SUPT3H: variants seen among roughly 807,000 people sequenced by gnomAD.
SUPT3H encodes transcription initiation protein SPT3 homolog.
SUPT3H carries 44 observed loss-of-function variants against 44.3 expected under a neutral mutation model. The ratio of observed to expected loss-of-function variants is 0.99; its 90% CI spans 0.78 to 1.28. The LOEUF (loss-of-function observed/expected upper bound fraction) is 1.28. SUPT3H is among the 50% of genes most tolerant of loss of function. The probability of loss-of-function intolerance (pLI) is 0.00; values close to 1 mark genes in which losing one functional copy is unlikely to be tolerated. For missense variants in SUPT3H, 380 were observed against 387.1 expected, an observed-to-expected ratio of 0.98 and a Z score of 0.15; for synonymous variants, 124 against 125.6, an observed-to-expected ratio of 0.99 and a Z score of 0.09.
At chr6:44,953,270 A>C in intron 9 of SUPT3H, 40 bp downstream of exon 9, 1 of 1,520,140 alleles carries the variant, frequency 6.6e-7, no homozygotes, top group South Asian at 1.1e-5. Context: ...TATGTGTCAA[A>C]ATTCACAAAT....
chr6:45,168,618 C>T, intron 2 of SUPT3H, among the ~76,000 whole-genome samples: 1 of 152,132 alleles, frequency 6.6e-6, no homozygotes, highest in East Asian at 1.9e-4. Context: ...AAGGTAAAAT[C>T]CTGGCTGCAT....
intron 6 of SUPT3H, among the ~76,000 whole-genome samples, chr6:44,987,210 C>T (rs1779934604): frequency 6.7e-6 from 1 of 148,912 alleles, no homozygotes; most frequent in South Asian, 2.1e-4. Flanking sequence ...TTAGTCTAAA[C>T]CTAATTAACT....
At chr6:45,296,185 T>TACCCACACACACACACAC (rs1781186154) in intron 2 of SUPT3H, among the ~76,000 whole-genome samples, 1 of 140,454 alleles carries the variant, frequency 7.1e-6, no homozygotes, top group South Asian at 2.5e-4. Context: ...ATACACATAC[T>TACCCACACACACACACAC]ACACACACAC....
intron 2 of SUPT3H, among the ~76,000 whole-genome samples, chr6:45,284,579 C>A (rs535858617): frequency 1.4e-4 from 21 of 152,196 alleles, no homozygotes; most frequent in Non-Finnish European, 2.6e-4. Context: ...CAATAACAGG[C>A]TCTGAAATAG....
At chr6:44,857,795 C>T (rs954716321) in intron 10 of SUPT3H, among the ~76,000 whole-genome samples, 2 of 152,138 alleles carry the variant, frequency 1.3e-5, no homozygotes, top group Non-Finnish European at 1.5e-5. Flanking sequence ...TAGCAATAAG[C>T]TCTTGATCAC....
chr6:44,886,760 C>T (rs1029191742), intron 10 of SUPT3H, among the ~76,000 whole-genome samples: 9 of 152,064 alleles, frequency 5.9e-5, no homozygotes, highest in African/African-American at 2.2e-4. Flanking sequence ...CAAATTCACA[C>T]ATAACAATAT....
intron 7 of SUPT3H, among the ~76,000 whole-genome samples, chr6:44,956,924 T>G (rs1012112900): frequency 3.3e-5 from 5 of 152,218 alleles, no homozygotes; most frequent in African/African-American, 1.2e-4. Flanking sequence ...AGACCATGCC[T>G]TATGTCTCTG....
At chr6:45,049,265 G>A (rs985716847) in intron 3 of SUPT3H, among the ~76,000 whole-genome samples, 17 of 152,218 alleles carry the variant, frequency 1.1e-4, no homozygotes, top group Middle Eastern at 6.8e-3. Flanking sequence ...GAGACTTCTG[G>A]TGCTGGATCT....
At chr6:45,033,941 ATGTG>A (rs1268171616) in intron 3 of SUPT3H, among the ~76,000 whole-genome samples, 2 of 152,140 alleles carry the variant, frequency 1.3e-5, no homozygotes, top group African/African-American at 4.8e-5. Flanking sequence ...CAGCTAATAT[ATGTG>A]TGTCTGAGGC....
chr6:45,176,434 A>T (rs2153610074), intron 2 of SUPT3H, among the ~76,000 whole-genome samples: 1 of 152,238 alleles, frequency 6.6e-6, no homozygotes, highest in Non-Finnish European at 1.5e-5. Context: ...ACGCCCACGG[A>T]GTCTCCCTGA....
chr6:44,904,235 G>A (rs1765605323), intron 10 of SUPT3H, among the ~76,000 whole-genome samples: 1 of 152,196 alleles, frequency 6.6e-6, no homozygotes, highest in South Asian at 2.1e-4. Flanking sequence ...AATTGTCCCT[G>A]TCTGCAGATG....
At chr6:45,335,539 T>A (rs1342078467) in intron 2 of SUPT3H, among the ~76,000 whole-genome samples, 1 of 151,220 alleles carries the variant, frequency 6.6e-6, no homozygotes, top group East Asian at 1.9e-4. Flanking sequence ...TAAAAGTAAA[T>A]TCTCATTTTA....
chr6:44,998,121 C>T (rs1367069906), intron 6 of SUPT3H, among the ~76,000 whole-genome samples: 1 of 151,682 alleles, frequency 6.6e-6, no homozygotes, highest in Admixed American at 6.6e-5. Flanking sequence ...TGAAGTTATG[C>T]TTGCTTTTTA....
chr6:44,857,620 A>G (rs1219439854), intron 10 of SUPT3H, among the ~76,000 whole-genome samples: 2 of 152,176 alleles, frequency 1.3e-5, no homozygotes, highest in African/African-American at 2.4e-5. Flanking sequence ...ATTTTCTTTA[A>G]AAGTTCTTTT....
chr6:45,095,793 A>G lies in SUPT3H; in HGVS notation c.186+10129T>C, dbSNP rs1228966378. 1.3e-5 allele frequency among the ~76,000 whole-genome samples: 2 copies of G among 152,128 alleles called. No individual in the cohort carries two copies. Among genetic ancestry groups the G allele is most frequent in the Non-Finnish European group, 2.9e-5 (2 of 67,986 alleles). On this transcript the variant is annotated intron_variant, in intron 3 of 10. Coordinates refer to ENST00000371459, the MANE Select transcript of SUPT3H (RefSeq NM_003599.4). This position sits in a 1 kb window ranked among gnomAD's most constrained non-coding sequence, Gnocchi z 4.1. ...AGATATTGACAACATCATAACAACA[A>G]CTCAAACATAATTTGCAGTTGGCAC...
At chr6:45,270,617 CT>C (rs1775963823) in intron 2 of SUPT3H, among the ~76,000 whole-genome samples, 1 of 152,166 alleles carries the variant, frequency 6.6e-6, no homozygotes, top group Non-Finnish European at 1.5e-5. Context: ...AAACCTCTTT[CT>C]TTTGTAAATT....
intron 6 of SUPT3H, among the ~76,000 whole-genome samples, chr6:44,963,153 C>A (rs563547734): frequency 2.0e-5 from 3 of 151,690 alleles, no homozygotes; most frequent in Admixed American, 6.6e-5. Context: ...TATACACAAA[C>A]ACACATATAT....
intron 9 of SUPT3H, among the ~76,000 whole-genome samples, chr6:44,942,296 A>T (rs897590067): frequency 5.0e-5 from 7 of 139,054 alleles, no homozygotes; most frequent in African/African-American, 7.6e-5. Context: ...AATAGGTAAT[A>T]AAAAAAAAAA....
intron 3 of SUPT3H, among the ~76,000 whole-genome samples, chr6:45,083,167 C>CATTATTATT (rs112983311): frequency 6.9e-6 from 1 of 143,936 alleles, no homozygotes; most frequent in Non-Finnish European, 1.5e-5. Flanking sequence ...ATTAAAGAAT[C>CATTATTATT]ATTATTATTA....
Sources: allele counts gnomAD v4.1 joint callset (sites outside exome capture counted in the v4.1 genomes callset), GRCh38; gene constraint gnomAD v4.1.1; non-coding constraint Gnocchi (gnomAD v3.1); transcripts MANE v1.5; gene names NCBI Gene and HGNC (gene_info 2026-07-23, HGNC 2026-07-21).